Variants in ARID2 observed in about 807,000 individuals in gnomAD.
The protein encoded by ARID2 is AT-rich interaction domain 2.
Under a neutral mutation model 184.6 loss-of-function variants are expected in ARID2, and 32 were observed. The observed-to-expected ratio is 0.17, with a 90% confidence interval of 0.13 to 0.23. ARID2 has a LOEUF of 0.23. ARID2 is among the 10% of genes least tolerant of loss of function. ARID2 has a pLI of 1.00. For missense variants in ARID2, 1,696 were observed against 2,197.6 expected, an observed-to-expected ratio of 0.77 and a Z score of 4.56; for synonymous variants, 836 against 772.6, an observed-to-expected ratio of 1.08 and a Z score of -1.36.
chr12:45,788,598 C>T (rs1799863717), intron 3 of ARID2, among the ~76,000 whole-genome samples: 1 of 151,996 alleles, frequency 6.6e-6, no homozygotes, highest in African/African-American at 2.4e-5. Context: ...AGCTCCCTAC[C>T]CCCTACCCAG....
intron 3 of ARID2, among the ~76,000 whole-genome samples, chr12:45,781,881 C>T (rs1033329149): frequency 1.3e-5 from 2 of 152,152 alleles, no homozygotes; most frequent in Non-Finnish European, 2.9e-5. Context: ...GTATGGAATC[C>T]TTTTATGGTA....
chr12:45,825,212 A>G (rs1287918411), intron 6 of ARID2, among the ~76,000 whole-genome samples: 2 of 152,148 alleles, frequency 1.3e-5, no homozygotes, highest in Admixed American at 1.3e-4. Flanking sequence ...TCAATAGTTT[A>G]TATTTCAAAA....
chr12:45,804,494 G>C (rs758039935), intron 3 of ARID2, among the ~76,000 whole-genome samples: 1 of 151,692 alleles, frequency 6.6e-6, no homozygotes, highest in Non-Finnish European at 1.5e-5. Context: ...GTGTGCGTGT[G>C]TGTGTGTGTG....
intron 3 of ARID2, among the ~76,000 whole-genome samples, chr12:45,784,245 A>G (rs1378040435): frequency 2.0e-5 from 3 of 151,916 alleles, no homozygotes; most frequent in African/African-American, 7.2e-5. Flanking sequence ...GGTCTTGAAC[A>G]CCTGGCCCCA....
chr12:45,793,242 G>A (rs1942326033), intron 3 of ARID2, among the ~76,000 whole-genome samples: 1 of 152,006 alleles, frequency 6.6e-6, no homozygotes, highest in South Asian at 2.1e-4. Flanking sequence ...AGAGGTTGCA[G>A]GGAGCCAAGA....
intron 3 of ARID2, among the ~76,000 whole-genome samples, chr12:45,780,332 A>G (rs931257377): frequency 6.6e-5 from 10 of 152,204 alleles, no homozygotes; most frequent in Non-Finnish European, 1.3e-4. Context: ...AAATGGCCTT[A>G]TAGTTAAAGA....
intron 3 of ARID2, among the ~76,000 whole-genome samples, chr12:45,737,050 GT>G (rs1477812179): frequency 1.3e-5 from 2 of 152,066 alleles, no homozygotes; most frequent in African/African-American, 4.8e-5. Context: ...ACTTTTTTCT[GT>G]TTTAAAACAT....
intron 3 of ARID2, among the ~76,000 whole-genome samples, chr12:45,774,007 A>G (rs191301397): frequency 6.6e-6 from 1 of 152,200 alleles, no homozygotes; most frequent in Admixed American, 6.5e-5. Context: ...TTTTTTTCAT[A>G]TATAGTAGCT....
At chr12:45,840,983 T>C (rs1943333027) in intron 11 of ARID2, 1 of 152,202 alleles carries the variant, frequency 6.6e-6, no homozygotes, top group Non-Finnish European at 1.5e-5. Flanking sequence ...AGGTAATAGA[T>C]GTTAAACAGC....
chr12:45,799,853 CT>C (rs1032002469), intron 3 of ARID2, among the ~76,000 whole-genome samples: 1 of 151,950 alleles, frequency 6.6e-6, no homozygotes, highest in African/African-American at 2.4e-5. Context: ...GTTTTATTTT[CT>C]TTTTTTTCCC....
intron 20 of ARID2, among the ~76,000 whole-genome samples, chr12:45,898,512 A>G (rs897222914): frequency 6.6e-6 from 1 of 152,234 alleles, no homozygotes; most frequent in Admixed American, 6.5e-5. Context: ...ATTGGAAGTG[A>G]CTGCTAATGG....
Position 45,848,948 on chromosome 12 carries a change from A to G in ARID2, c.1693A>G (p.Thr565Ala), listed in dbSNP as rs770141321. Residue 565 changes from threonine (T) to alanine (A), a missense_variant, in exon 13 of 21, where the codon ACT becomes GCT. This residue lies in a region of ARID2 where 713 missense variants were observed against 824.4 expected (regional missense o/e 0.86). Coordinates refer to ENST00000334344, the MANE Select transcript of ARID2 (RefSeq NM_152641.4). ...KLARGGILTS[T>A]GFYKCLRTVF... is the part of the protein sequence containing the mutation. Reference sequence around the variant, plus strand: ...AGCTCGTGGTGGAATCCTAACATCAACTGGATTTTATAAATGTCTTAGGTA... The same window carrying G: ...AGCTCGTGGTGGAATCCTAACATCAGCTGGATTTTATAAATGTCTTAGGTA... The G allele has an allele frequency of 4.3e-5, 70 of 1,611,940 alleles. No individual in the cohort carries two copies. The highest frequency in any genetic ancestry group is 5.9e-5 in the Non-Finnish European group (70 of 1,178,812).
intron 11 of ARID2, among the ~76,000 whole-genome samples, chr12:45,845,479 C>T (rs1430132423): frequency 6.6e-6 from 1 of 152,160 alleles, no homozygotes; most frequent in Non-Finnish European, 1.5e-5. Context: ...CAAGTATACC[C>T]AGCTCTGCTA....
intron 3 of ARID2, among the ~76,000 whole-genome samples, chr12:45,786,345 C>T (rs1300278788): frequency 6.6e-6 from 1 of 151,958 alleles, no homozygotes; most frequent in Non-Finnish European, 1.5e-5. Context: ...AGTCTTTAAG[C>T]CAAAATTTGA....
At chr12:45,817,343 G>A (rs1942820403) in intron 4 of ARID2, among the ~76,000 whole-genome samples, 1 of 152,010 alleles carries the variant, frequency 6.6e-6, no homozygotes. Context: ...AACAGAGCCA[G>A]ACATGTCTCA....
chr12:45,763,994 T>G (rs887919745), intron 3 of ARID2, among the ~76,000 whole-genome samples: 8 of 152,222 alleles, frequency 5.3e-5, no homozygotes, highest in Non-Finnish European at 1.0e-4. Flanking sequence ...CTTGTATGTT[T>G]TATATTCAGA....
At chr12:45,846,784 C>A in intron 11 of ARID2, 72 bp from the exon 12 acceptor site, 1 of 1,405,092 alleles carries the variant, frequency 7.1e-7, no homozygotes. Context: ...GGTTCAATAT[C>A]CATAAAAAAA....
chr12:45,752,233 G>A (rs915523645), intron 3 of ARID2, among the ~76,000 whole-genome samples: 1 of 152,294 alleles, frequency 6.6e-6, no homozygotes, highest in South Asian at 2.1e-4. Context: ...ACATCTTGGC[G>A]TATTTTTTTC....
intron 3 of ARID2, among the ~76,000 whole-genome samples, chr12:45,767,093 T>A (rs1941786439): frequency 6.6e-6 from 1 of 152,184 alleles, no homozygotes; most frequent in South Asian, 2.1e-4. Context: ...TCCTCATAGG[T>A]GTGTAGTGAT....
Sources: allele counts gnomAD v4.1 joint callset (sites outside exome capture counted in the v4.1 genomes callset), GRCh38; gene constraint gnomAD v4.1.1; regional missense constraint gnomAD v4.1.1; transcripts MANE v1.5; gene names NCBI Gene and HGNC (gene_info 2026-07-23, HGNC 2026-07-21).